Variants in PRKN observed in about 807,000 individuals in gnomAD.
PRKN encodes the protein E3 ubiquitin-protein ligase parkin.
Under a neutral mutation model 59.5 loss-of-function variants are expected in PRKN, and 56 were observed. The ratio of observed to expected loss-of-function variants is 0.94; its 90% CI spans 0.76 to 1.18. The LOEUF (loss-of-function observed/expected upper bound fraction) is 1.18. Among genes scored for constraint, PRKN ranks in the 50% most tolerant of loss-of-function variants. The pLI, the probability that PRKN is intolerant of heterozygous loss-of-function variation, is 0.00. For synonymous variants in PRKN, 250 were observed against 222.1 expected (o/e 1.13, Z -1.12); for missense variants, 657 against 596.4 (o/e 1.10, Z -1.06).
intron 3 of PRKN, among the ~76,000 whole-genome samples, chr6:162,250,614 C>G (rs994914302): frequency 6.6e-6 from 1 of 152,192 alleles, no homozygotes; most frequent in Non-Finnish European, 1.5e-5. Context: ...TCACTTATAT[C>G]AACCCATTCA....
chr6:161,914,743 T>A (rs1778491184), intron 6 of PRKN, among the ~76,000 whole-genome samples: 1 of 151,574 alleles, frequency 6.6e-6, no homozygotes, highest in South Asian at 2.1e-4. Context: ...ATCAGGAGTG[T>A]TTGGAGAAAA....
chr6:162,053,516 C>A (rs1267112119), intron 5 of PRKN, among the ~76,000 whole-genome samples: 1 of 152,038 alleles, frequency 6.6e-6, no homozygotes, highest in Non-Finnish European at 1.5e-5. Flanking sequence ...CAGGAAATAT[C>A]TGCGGTCTAT....
rs1281205457 is a variant in PRKN, at chr6:161,518,522, G to A, written c.1083+30332C>T. Reference sequence around the variant, plus strand: ...TGGCTGTGCAATCCCAGGGCTCTGGGTGAGAGCTGAACCGAGGCTCACATC... The same window carrying A: ...TGGCTGTGCAATCCCAGGGCTCTGGATGAGAGCTGAACCGAGGCTCACATC... On this transcript the variant is annotated intron_variant, in intron 9 of 11. Transcript: ENST00000366898. The surrounding 1 kb of genome is among the most constrained non-coding windows in gnomAD (Gnocchi z 5.0). Among the ~76,000 whole-genome samples, 2 of 152,184 alleles carry A rather than the reference G, an allele frequency of 1.3e-5. No individual in the cohort carries two copies. Among genetic ancestry groups the A allele is most frequent in the Non-Finnish European group, 2.9e-5 (2 of 68,022 alleles).
At chr6:162,351,169 C>T (rs1188887883) in intron 2 of PRKN, among the ~76,000 whole-genome samples, 1 of 151,992 alleles carries the variant, frequency 6.6e-6, no homozygotes, top group Admixed American at 6.6e-5. Flanking sequence ...CCGGCCTGGG[C>T]CACAGAGCGA....
At chr6:161,898,593 T>C (rs1777754139) in intron 6 of PRKN, among the ~76,000 whole-genome samples, 1 of 152,198 alleles carries the variant, frequency 6.6e-6, no homozygotes, top group Non-Finnish European at 1.5e-5. Flanking sequence ...ACTAAATGGA[T>C]GTTTTCAAAG....
intron 6 of PRKN, among the ~76,000 whole-genome samples, chr6:161,855,197 C>T (rs1389683252): frequency 6.6e-6 from 1 of 152,068 alleles, no homozygotes; most frequent in African/African-American, 2.4e-5. Context: ...TGCTCACCAC[C>T]CCCAGAACCT....
intron 1 of PRKN, among the ~76,000 whole-genome samples, chr6:162,476,410 T>C (rs983925371): frequency 2.6e-5 from 4 of 152,128 alleles, no homozygotes; most frequent in African/African-American, 9.7e-5. Context: ...TGTGTATATG[T>C]AAAATTTTTA....
intron 1 of PRKN, 45 bp downstream of exon 1, chr6:162,727,617 C>A (rs751833256): frequency 6.4e-7 from 1 of 1,564,550 alleles, no homozygotes; most frequent in Non-Finnish European, 8.7e-7. Flanking sequence ...CATACCGGGG[C>A]GTGGGGCGGC....
intron 1 of PRKN, among the ~76,000 whole-genome samples, chr6:162,574,667 T>C (rs9365469): frequency 0.53 from 80,316 of 151,666 alleles, 21,549 homozygotes; most frequent in East Asian, 0.71. Flanking sequence ...TTTGAAGAGA[T>C]CATAAGATTG....
At chr6:162,457,340 T>C (rs1057170214) in intron 1 of PRKN, among the ~76,000 whole-genome samples, 1 of 152,210 alleles carries the variant, frequency 6.6e-6, no homozygotes, top group Non-Finnish European at 1.5e-5. Context: ...AGCAAGATGA[T>C]ACTGAAGGGT....
At chr6:162,198,286 A>G (rs1361631560) in intron 4 of PRKN, among the ~76,000 whole-genome samples, 2 of 152,042 alleles carry the variant, frequency 1.3e-5, no homozygotes, top group Non-Finnish European at 2.9e-5. Flanking sequence ...GGGATTGAAC[A>G]TCCCTCCCAG....
chr6:162,412,660 T>C (rs888684597), intron 2 of PRKN, among the ~76,000 whole-genome samples: 2 of 152,186 alleles, frequency 1.3e-5, no homozygotes, highest in Non-Finnish European at 2.9e-5. Context: ...AACTGTGCTT[T>C]CTAAAACCTG....
At chr6:162,258,513 G>A (rs895734178) in intron 3 of PRKN, among the ~76,000 whole-genome samples, 3 of 134,820 alleles carry the variant, frequency 2.2e-5, no homozygotes, top group East Asian at 5.1e-4. Context: ...GCAGCTCAAC[G>A]TTCTTATTGA....
intron 9 of PRKN, among the ~76,000 whole-genome samples, chr6:161,521,828 C>T (rs1489768181): frequency 6.6e-6 from 1 of 152,162 alleles, no homozygotes; most frequent in Non-Finnish European, 1.5e-5. Context: ...CTCATTAGGC[C>T]TCTTCCAGAC....
At chr6:162,309,529 T>C (rs1287511092) in intron 2 of PRKN, among the ~76,000 whole-genome samples, 1 of 152,126 alleles carries the variant, frequency 6.6e-6, no homozygotes, top group Admixed American at 6.6e-5. Context: ...TTCTTGGATG[T>C]GGTGAAGGGA....
intron 9 of PRKN, among the ~76,000 whole-genome samples, chr6:161,543,327 C>G (rs1400772757): frequency 6.6e-6 from 1 of 152,172 alleles, no homozygotes; most frequent in African/African-American, 2.4e-5. Context: ...AGGTCATATC[C>G]TGTATTTGCA....
intron 5 of PRKN, among the ~76,000 whole-genome samples, chr6:162,014,355 C>T (rs1782851306): frequency 6.6e-6 from 1 of 150,876 alleles, no homozygotes; most frequent in South Asian, 2.1e-4. Flanking sequence ...ACTCACACTG[C>T]TACATACCTA....
At chr6:161,605,495 G>C (rs990823801) in intron 7 of PRKN, among the ~76,000 whole-genome samples, 2 of 150,232 alleles carry the variant, frequency 1.3e-5, no homozygotes, top group Non-Finnish European at 2.9e-5. Flanking sequence ...GTAAATAGCA[G>C]AAAGGGGCTG....
At position 161,473,236 on chromosome 6, in the gene PRKN, A is replaced by T. The variant is rs1790880925; in HGVS notation, c.1083+75618T>A. ...CATTATTTACAATAGCAAGATATGC[A>T]AACAACCTAAGTAAGCATCAAAGGA... is the stretch of plus-strand genomic sequence containing the variant. On this transcript the variant is annotated intron_variant, in intron 9 of 11. Coordinates refer to ENST00000366898, the MANE Select transcript of PRKN (RefSeq NM_004562.3). The surrounding 1 kb of genome is among the most constrained non-coding windows in gnomAD (Gnocchi z 4.1). Among the ~76,000 whole-genome samples the T allele has an allele frequency of 1.3e-5, 2 of 152,230 alleles. No homozygotes were observed.
Sources: allele counts gnomAD v4.1 joint callset (sites outside exome capture counted in the v4.1 genomes callset), GRCh38; gene constraint gnomAD v4.1.1; non-coding constraint Gnocchi (gnomAD v3.1); transcripts MANE v1.5; gene names NCBI Gene and HGNC (gene_info 2026-07-23, HGNC 2026-07-21).